Variants in CEP63 observed in about 807,000 individuals in gnomAD.
The protein encoded by CEP63 is centrosomal protein 63, also known as centrosomal protein of 63 kDa.
In CEP63, 84 loss-of-function variants were observed where a neutral mutation model predicts 89.1. That is an observed-to-expected ratio of 0.94 (90% CI 0.79 to 1.13). The LOEUF is 1.13. CEP63 is among the 50% of genes most tolerant of loss of function. The pLI is 0.00. For synonymous variants in CEP63, 267 were observed against 272.5 expected, an observed-to-expected ratio of 0.98 and a Z score of 0.20; for missense variants, 838 against 813.3, an observed-to-expected ratio of 1.03 and a Z score of -0.37.
the CEP63 span, among the ~76,000 whole-genome samples, chr3:134,638,813 C>T: frequency 6.6e-6 from 1 of 152,218 alleles, no homozygotes; most frequent in Non-Finnish European, 1.5e-5. Flanking sequence ...GCTCAGAACA[C>T]CTAACGCAGT....
At chr3:134,706,991 A>G in the CEP63 span, among the ~76,000 whole-genome samples, 1 of 152,182 alleles carries the variant, frequency 6.6e-6, no homozygotes, top group Non-Finnish European at 1.5e-5. Flanking sequence ...TCATCCTAAG[A>G]TCTTTAACTT....
the CEP63 span, among the ~76,000 whole-genome samples, chr3:134,731,988 G>A: frequency 1.4e-4 from 22 of 152,158 alleles, no homozygotes; most frequent in Admixed American, 3.9e-4. Context: ...CTTCAGAGAA[G>A]CTGAGCTTGT....
At chr3:134,644,162 G>A in the CEP63 span, among the ~76,000 whole-genome samples, 76 of 152,296 alleles carry the variant, frequency 5.0e-4, no homozygotes, top group African/African-American at 1.8e-3. Flanking sequence ...CAGGGGGCCA[G>A]CCTGCCTCCT....
the CEP63 span, among the ~76,000 whole-genome samples, chr3:134,632,151 C>A: frequency 6.6e-6 from 1 of 152,108 alleles, no homozygotes; most frequent in East Asian, 1.9e-4. Context: ...GAGGAATAGA[C>A]AAATCTACAA....
intron 3 of CEP63, among the ~76,000 whole-genome samples, chr3:134,523,343 A>G (rs953756783): frequency 1.3e-5 from 2 of 151,924 alleles, no homozygotes; most frequent in African/African-American, 2.4e-5. Context: ...CTTCCATTCT[A>G]TATGTTGTTC....
the CEP63 span, among the ~76,000 whole-genome samples, chr3:134,752,628 A>T: frequency 6.6e-6 from 1 of 152,244 alleles, no homozygotes; most frequent in Non-Finnish European, 1.5e-5. Flanking sequence ...TAAAAAGAAG[A>T]CAGAAAAGAT....
downstream of CEP63, among the ~76,000 whole-genome samples, chr3:134,589,124 T>C (rs1958547396): frequency 1.3e-5 from 2 of 152,170 alleles, no homozygotes; most frequent in African/African-American, 4.8e-5. Flanking sequence ...TTTCCAAATA[T>C]TTAAGGAAGA....
intron 6 of CEP63, among the ~76,000 whole-genome samples, chr3:134,538,848 A>T (rs962453571): frequency 6.6e-6 from 1 of 151,996 alleles, no homozygotes; most frequent in African/African-American, 2.4e-5. Context: ...AATTACTGTT[A>T]TCCTATTTCA....
At chr3:134,528,889 A>G (rs1386570873) in intron 3 of CEP63, among the ~76,000 whole-genome samples, 2 of 152,170 alleles carry the variant, frequency 1.3e-5, no homozygotes, top group Non-Finnish European at 2.9e-5. Context: ...TTTTAATCAA[A>G]CAGATGAGTC....
chr3:134,531,181 T>A (rs926132488), intron 3 of CEP63, among the ~76,000 whole-genome samples: 4 of 152,224 alleles, frequency 2.6e-5, no homozygotes, highest in African/African-American at 7.2e-5. Context: ...CCTAAGGTCT[T>A]CTAGATTTTT....
chr3:134,554,300 T>G (rs1955615052), intron 12 of CEP63, among the ~76,000 whole-genome samples: 1 of 150,862 alleles, frequency 6.6e-6, no homozygotes, highest in African/African-American at 2.4e-5. Flanking sequence ...GATCTCATTG[T>G]TCAATTCCCA....
chr3:134,547,546 A>C, intron 9 of CEP63, 74 bp downstream of exon 9: 1 of 1,260,114 alleles, frequency 7.9e-7, no homozygotes, highest in East Asian at 2.4e-5. Flanking sequence ...TTGTAAATGA[A>C]TGTAATAGTC....
At chr3:134,621,246 G>C in the CEP63 span, among the ~76,000 whole-genome samples, 1 of 152,148 alleles carries the variant, frequency 6.6e-6, no homozygotes, top group Admixed American at 6.5e-5. Context: ...TAAATTCCAA[G>C]GGGCTCCAAG....
At chr3:134,520,240 A>C (rs1422210472) in intron 3 of CEP63, among the ~76,000 whole-genome samples, 1 of 152,220 alleles carries the variant, frequency 6.6e-6, no homozygotes. Flanking sequence ...TGCTGAGTTA[A>C]AGGTTAATTT....
At chr3:134,651,226 C>T in the CEP63 span, 2 of 1,273,924 alleles carry the variant, frequency 1.6e-6, no homozygotes, top group Middle Eastern at 6.5e-4. Context: ...TTGACCTGCA[C>T]CGGGGCCATA....
At chr3:134,501,270 C>G (rs973996701) in intron 2 of CEP63, among the ~76,000 whole-genome samples, 5 of 152,160 alleles carry the variant, frequency 3.3e-5, no homozygotes, top group African/African-American at 9.6e-5. Flanking sequence ...CAATATGATG[C>G]CTCTAGCTTT....
intron 5 of CEP63, chr3:134,536,702 G>A (rs1055061993): frequency 1.3e-5 from 3 of 223,442 alleles, no homozygotes; most frequent in Non-Finnish European, 1.8e-5. Flanking sequence ...AGTAAGATTT[G>A]GGTTACCAAG....
At chr3:134,516,601 C>T (rs1008345713) in intron 3 of CEP63, among the ~76,000 whole-genome samples, 6 of 152,192 alleles carry the variant, frequency 3.9e-5, no homozygotes, top group Admixed American at 3.9e-4. Context: ...GTCCCTGCGG[C>T]ATTTGTGTCC....
At chr3:134,555,909 C>T (rs1956056425) in intron 12 of CEP63, among the ~76,000 whole-genome samples, 3 of 151,918 alleles carry the variant, frequency 2.0e-5, no homozygotes, top group Non-Finnish European at 4.4e-5. Context: ...CAGCATGGTA[C>T]TGGTACCAAA....
Sources: gnomAD v4.1 joint callset for allele counts (sites outside exome capture counted in the v4.1 genomes callset) on GRCh38, gnomAD v4.1.1 for gene constraint, MANE v1.5 for transcripts, NCBI Gene and HGNC (gene_info 2026-07-23, HGNC 2026-07-21) for gene names.